Variants in CALN1 observed in about 807,000 individuals in gnomAD.
CALN1 encodes calneuron 1, also known as calcium-binding protein 8.
A neutral mutation model predicts 30.6 loss-of-function variants in CALN1; 17 were observed. That is an observed-to-expected ratio of 0.56 (90% CI 0.38 to 0.83). The LOEUF (loss-of-function observed/expected upper bound fraction) is 0.83. Ranked by LOEUF, CALN1 falls within the 40% of genes least tolerant of loss-of-function variation. CALN1 has a pLI of 0.00. For synonymous variants in CALN1, 156 were observed against 131.4 expected (o/e 1.19, Z -1.28); for missense variants, 291 against 354.9 (o/e 0.82, Z 1.45).
At chr7:72,344,673 A>G (rs1441627647) in intron 2 of CALN1, among the ~76,000 whole-genome samples, 2 of 146,932 alleles carry the variant, frequency 1.4e-5, no homozygotes, top group East Asian at 3.9e-4. Flanking sequence ...TATATATTTT[A>G]TTTATGTATA....
At chr7:71,837,661 T>A (rs1379303736) in intron 5 of CALN1, among the ~76,000 whole-genome samples, 1 of 152,168 alleles carries the variant, frequency 6.6e-6, no homozygotes, top group East Asian at 1.9e-4. Context: ...ACATAGGCCC[T>A]GAGACATGAA....
chr7:72,274,781 T>A (rs2129553738), intron 3 of CALN1, among the ~76,000 whole-genome samples: 1 of 152,224 alleles, frequency 6.6e-6, no homozygotes, highest in Admixed American at 6.5e-5. Context: ...AATGAATGAA[T>A]AAAAATGGAT....
chr7:72,501,948 T>TATATATACAC, the CALN1 span, among the ~76,000 whole-genome samples: 739 of 72,312 alleles, frequency 0.01, 48 homozygotes, highest in East Asian at 0.025. Flanking sequence ...TATATATATA[T>TATATATACAC]ACACACATAT....
intron 3 of CALN1, among the ~76,000 whole-genome samples, chr7:72,237,425 G>A (rs1039722239): frequency 2.0e-5 from 3 of 152,156 alleles, no homozygotes; most frequent in African/African-American, 7.2e-5. Context: ...TTCCAGATAA[G>A]GGAGACAGGG....
At chr7:72,477,705 T>C in the CALN1 span, among the ~76,000 whole-genome samples, 1 of 152,116 alleles carries the variant, frequency 6.6e-6, no homozygotes, top group South Asian at 2.1e-4. Flanking sequence ...TACAGGCACA[T>C]GCCACCATGC....
chr7:72,058,770 T>C (rs1803450803), intron 4 of CALN1, among the ~76,000 whole-genome samples: 6 of 152,148 alleles, frequency 3.9e-5, no homozygotes. Context: ...AATACGCCTT[T>C]GCCCCATATA....
chr7:72,277,788 C>G (rs372047076), intron 3 of CALN1, among the ~76,000 whole-genome samples: 3 of 152,182 alleles, frequency 2.0e-5, no homozygotes, highest in East Asian at 3.9e-4. Context: ...ACAAAGCACA[C>G]TGATTTGAAC....
chr7:72,403,195 C>G, intron 2 of CALN1, 56 bp downstream of exon 2: 1 of 1,421,912 alleles, frequency 7.0e-7, no homozygotes, highest in Non-Finnish European at 9.6e-7. Flanking sequence ...GCGCCACCCC[C>G]TACCTGAGGG....
intron 4 of CALN1, among the ~76,000 whole-genome samples, chr7:72,032,273 C>T (rs1801504198): frequency 6.6e-6 from 1 of 150,410 alleles, no homozygotes; most frequent in Non-Finnish European, 1.5e-5. Context: ...GTCTCGATCT[C>T]CTGACCTCGT....
chr7:72,465,958 C>T, the CALN1 span, among the ~76,000 whole-genome samples: 1 of 152,086 alleles, frequency 6.6e-6, no homozygotes, highest in East Asian at 1.9e-4. Context: ...CAATCCTGGG[C>T]TTGGGAAAGG....
intron 5 of CALN1, among the ~76,000 whole-genome samples, chr7:71,820,998 T>G (rs894923285): frequency 6.6e-6 from 1 of 152,176 alleles, no homozygotes; most frequent in Non-Finnish European, 1.5e-5. Flanking sequence ...TACGTTCAGC[T>G]GAATGTATGG....
At chr7:72,321,279 G>T (rs1184014983) in intron 2 of CALN1, among the ~76,000 whole-genome samples, 1 of 152,220 alleles carries the variant, frequency 6.6e-6, no homozygotes, top group East Asian at 1.9e-4. Context: ...ACACTGACAT[G>T]CTGAGACAGG....
chr7:72,007,401 G>GTTT (rs1799832369), intron 5 of CALN1, among the ~76,000 whole-genome samples: 1 of 152,108 alleles, frequency 6.6e-6, no homozygotes, highest in African/African-American at 2.4e-5. Context: ...CAAAAAATTA[G>GTTT]CTGGGTATGG....
chr7:72,486,587 C>T, the CALN1 span, among the ~76,000 whole-genome samples: 92,829 of 151,844 alleles, frequency 0.61, 29,654 homozygotes, highest in African/African-American at 0.81. Context: ...TGGCCAGGCT[C>T]GTCTCAAACT....
At chr7:71,916,332 C>T (rs1043408833) in intron 5 of CALN1, among the ~76,000 whole-genome samples, 5 of 151,620 alleles carry the variant, frequency 3.3e-5, no homozygotes, top group East Asian at 1.9e-4. Flanking sequence ...GTGAATCAAT[C>T]GCCTGAAACC....
At chr7:71,871,730 T>A (rs1369725934) in intron 5 of CALN1, among the ~76,000 whole-genome samples, 1 of 152,168 alleles carries the variant, frequency 6.6e-6, no homozygotes, top group Non-Finnish European at 1.5e-5. Flanking sequence ...TAGTTTCCCA[T>A]GAATCACTCT....
intron 1 of CALN1, among the ~76,000 whole-genome samples, chr7:72,411,435 T>C (rs928455392): frequency 6.6e-6 from 1 of 152,118 alleles, no homozygotes; most frequent in Non-Finnish European, 1.5e-5. Flanking sequence ...ATATAACAAT[T>C]TTAAGGTTAA....
intron 3 of CALN1, among the ~76,000 whole-genome samples, chr7:72,175,582 C>A (rs1562691418): frequency 6.6e-6 from 1 of 152,090 alleles, no homozygotes; most frequent in Middle Eastern, 3.2e-3. Context: ...GGATAGAGAA[C>A]AATTTCCTAA....
chr7:72,372,244 T>C (rs560912652), intron 2 of CALN1, among the ~76,000 whole-genome samples: 2 of 152,122 alleles, frequency 1.3e-5, no homozygotes, highest in African/African-American at 2.4e-5. Flanking sequence ...GTGGGGACAG[T>C]AGGAACCTCA....
Sources: gnomAD v4.1 joint callset for allele counts (sites outside exome capture counted in the v4.1 genomes callset) on GRCh38, gnomAD v4.1.1 for gene constraint, MANE v1.5 for transcripts, NCBI Gene and HGNC (gene_info 2026-07-23, HGNC 2026-07-21) for gene names.